The following CSMD1 variants were observed in gnomAD, a reference collection of about 807,000 sequenced individuals.
CSMD1 encodes CUB and sushi domain-containing protein 1.
CSMD1 carries 213 observed loss-of-function variants against 417.5 expected under a neutral mutation model. The ratio of observed to expected loss-of-function variants is 0.51; its 90% CI spans 0.46 to 0.57. The LOEUF is 0.57. Among genes scored for constraint, CSMD1 ranks in the 20% least tolerant of loss-of-function variants. The probability of loss-of-function intolerance (pLI) is 0.00; values close to 1 mark genes in which losing one functional copy is unlikely to be tolerated. For missense variants in CSMD1, 6,923 were observed against 4,529.7 expected, an observed-to-expected ratio of 1.53 and a Z score of -15.17; for synonymous variants, 2,862 against 1,736.8, an observed-to-expected ratio of 1.65 and a Z score of -16.11.
rs558053950 is a variant in CSMD1 at position 4,126,538 on chromosome 8, G to C, written c.416-94439C>G. Among the ~76,000 whole-genome samples the C allele has an allele frequency of 6.6e-5, 10 of 152,274 alleles. No homozygotes were observed. In the South Asian group the frequency reaches 2.1e-3, roughly 32 times the overall value. On this transcript the variant is annotated intron_variant, in intron 3 of 69. Transcript: ENST00000635120. ...CTCCCACTGATGGTCAGTGCTGCAGGGAGGCCACTGATCCACAATTGTGGG... is the reference window on the plus strand; with the variant it reads ...CTCCCACTGATGGTCAGTGCTGCAGCGAGGCCACTGATCCACAATTGTGGG...
chr8:4,927,246 C>G (rs1806933506), intron 1 of CSMD1, among the ~76,000 whole-genome samples: 1 of 151,858 alleles, frequency 6.6e-6, no homozygotes, highest in African/African-American at 2.4e-5. Context: ...TTAGTAGAGA[C>G]AGGGTTTCAC....
chr8:3,636,096 G>A (rs1000977769), intron 7 of CSMD1, among the ~76,000 whole-genome samples: 1 of 151,884 alleles, frequency 6.6e-6, no homozygotes, highest in African/African-American at 2.4e-5. Context: ...ACTTTTTGAA[G>A]TTTTGTGTTA....
intron 7 of CSMD1, among the ~76,000 whole-genome samples, chr8:3,653,744 G>T (rs746503605): frequency 6.6e-6 from 1 of 152,134 alleles, no homozygotes; most frequent in South Asian, 2.1e-4. Flanking sequence ...CGGCCACATC[G>T]CATGGCTGTT....
At position 3,763,558 on chromosome 8, in the gene CSMD1, G is replaced by A. The variant is rs551872518; in HGVS notation, c.819-9516C>T. On this transcript the variant is annotated intron_variant, in intron 5 of 69. Transcript: ENST00000635120. The stretch of plus-strand genomic sequence containing the variant: ...TCTTCAGGCCCTTACCAGAAGCCAA[G>A]CAGGTGCTAGCCCCGTTTGGTACAG... Among the ~76,000 whole-genome samples, 8 of 152,248 alleles carry A rather than the reference G, an allele frequency of 5.3e-5. No homozygotes were observed. The East Asian group carries it at 1.4e-3, about 26-fold the overall frequency.
intron 2 of CSMD1, among the ~76,000 whole-genome samples, chr8:4,604,050 A>G (rs1178997495): frequency 6.6e-6 from 1 of 152,098 alleles, no homozygotes. Context: ...GTTTATTGAC[A>G]GTTGTTAACT....
intron 1 of CSMD1, among the ~76,000 whole-genome samples, chr8:4,922,279 G>C (rs1041213517): frequency 6.6e-6 from 1 of 152,084 alleles, no homozygotes; most frequent in African/African-American, 2.4e-5. Context: ...GTTGTTTAAA[G>C]GTATAAATAG....
At chr8:4,402,437 C>G (rs570714375) in intron 3 of CSMD1, among the ~76,000 whole-genome samples, 1 of 152,144 alleles carries the variant, frequency 6.6e-6, no homozygotes, top group Non-Finnish European at 1.5e-5. Flanking sequence ...CTGAGAGTGA[C>G]TGGAAGATAG....
At chr8:4,692,209 A>C (rs1806813203) in intron 1 of CSMD1, among the ~76,000 whole-genome samples, 1 of 152,132 alleles carries the variant, frequency 6.6e-6, no homozygotes, top group Non-Finnish European at 1.5e-5. Flanking sequence ...AATCATGGCT[A>C]CTTACCGACC....
intron 3 of CSMD1, among the ~76,000 whole-genome samples, chr8:4,113,425 GAC>G (rs1337088085): frequency 2.6e-5 from 3 of 114,136 alleles, no homozygotes; most frequent in African/African-American, 1.1e-4. Flanking sequence ...TTTTAAATGA[GAC>G]AGTATCTCGC....
intron 3 of CSMD1, among the ~76,000 whole-genome samples, chr8:4,337,140 C>G (rs1347895442): frequency 6.6e-6 from 1 of 152,090 alleles, no homozygotes; most frequent in Admixed American, 6.6e-5. Flanking sequence ...GGATCTTCTG[C>G]CCCCACCTTC....
intron 10 of CSMD1, among the ~76,000 whole-genome samples, chr8:3,560,229 A>C (rs575095862): frequency 6.6e-6 from 1 of 152,212 alleles, no homozygotes; most frequent in Non-Finnish European, 1.5e-5. Context: ...AAGAAATTAT[A>C]TTAATAGAAG....
intron 3 of CSMD1, among the ~76,000 whole-genome samples, chr8:4,112,441 G>C (rs1801906048): frequency 6.6e-6 from 1 of 152,184 alleles, no homozygotes; most frequent in East Asian, 1.9e-4. Flanking sequence ...AAGAGGATGT[G>C]TTCCCTCCCC....
intron 1 of CSMD1, among the ~76,000 whole-genome samples, chr8:4,752,537 T>G (rs980027472): frequency 3.9e-5 from 6 of 152,284 alleles, no homozygotes; most frequent in African/African-American, 1.4e-4. Context: ...AACTCAAAGT[T>G]AAAACTCTGT....
intron 3 of CSMD1, among the ~76,000 whole-genome samples, chr8:4,131,705 C>T (rs532768441): frequency 2.6e-4 from 38 of 148,768 alleles, no homozygotes; most frequent in East Asian, 4.0e-4. Context: ...AAAAAATATA[C>T]TATCAGAACA....
At chr8:3,886,074 A>T (rs567420466) in intron 5 of CSMD1, among the ~76,000 whole-genome samples, 1 of 152,108 alleles carries the variant, frequency 6.6e-6, no homozygotes, top group South Asian at 2.1e-4. Context: ...TTTTTGAGAC[A>T]GACTCTTGCT....
chr8:4,941,479 G>T (rs933467768), intron 1 of CSMD1, among the ~76,000 whole-genome samples: 3 of 152,036 alleles, frequency 2.0e-5, no homozygotes, highest in Non-Finnish European at 2.9e-5. Flanking sequence ...AAAAAAGCAA[G>T]AATTGATCTT....
intron 3 of CSMD1, among the ~76,000 whole-genome samples, chr8:4,333,467 T>A (rs898087252): frequency 1.3e-5 from 2 of 152,150 alleles, no homozygotes; most frequent in African/African-American, 4.8e-5. Context: ...AGTTTCCTTA[T>A]CTTGGAAATT....
At chr8:3,448,199 C>G (rs1399668780) in intron 12 of CSMD1, among the ~76,000 whole-genome samples, 1 of 149,578 alleles carries the variant, frequency 6.7e-6, no homozygotes, top group Non-Finnish European at 1.5e-5. Context: ...AATAAAAAGC[C>G]TGTCTGTGTT....
At chr8:4,059,540 T>C (rs539696590) in intron 3 of CSMD1, among the ~76,000 whole-genome samples, 4,872 of 149,432 alleles carry the variant, frequency 0.033, 92 homozygotes, top group African/African-American at 0.095. Flanking sequence ...ATTGATAGAC[T>C]GCTAGCAAGA....
Sources: allele counts gnomAD v4.1 joint callset (sites outside exome capture counted in the v4.1 genomes callset), GRCh38; gene constraint gnomAD v4.1.1; transcripts MANE v1.5; gene names NCBI Gene and HGNC (gene_info 2026-07-23, HGNC 2026-07-21).